ANKRD30A: variants seen among roughly 807,000 people sequenced by gnomAD.
The protein encoded by ANKRD30A is ankyrin repeat domain 30A, also known as ankyrin repeat domain-containing protein 30A.
In ANKRD30A, 170 loss-of-function variants were observed where a neutral mutation model predicts 166.3. That is an observed-to-expected ratio of 1.02 (90% confidence interval 0.90 to 1.16). ANKRD30A has a LOEUF of 1.16. Among genes scored for constraint, ANKRD30A ranks in the 50% most tolerant of loss-of-function variants. ANKRD30A has a pLI of 0.00. For synonymous variants in ANKRD30A, 564 were observed against 508.9 expected, an observed-to-expected ratio of 1.11 and a Z score of -1.46; for missense variants, 1,630 against 1,518.0, an observed-to-expected ratio of 1.07 and a Z score of -1.23.
At chr10:37,218,795 T>C (rs1842730330) in intron 33 of ANKRD30A, among the ~76,000 whole-genome samples, 185 bp from the exon 34 acceptor site, 1 of 150,956 alleles carries the variant, frequency 6.6e-6, no homozygotes, top group Non-Finnish European at 1.5e-5. Flanking sequence ...TTCAAATAAA[T>C]GTTTGAACTT....
At chr10:37,259,133 G>A in the ANKRD30A span, among the ~76,000 whole-genome samples, 1 of 151,960 alleles carries the variant, frequency 6.6e-6, no homozygotes, top group Non-Finnish European at 1.5e-5. Context: ...AGAAAGTCAT[G>A]ATTAAGAGAA....
At chr10:37,218,766 C>A (rs1842728587) in intron 33 of ANKRD30A, among the ~76,000 whole-genome samples, 1 of 150,450 alleles carries the variant, frequency 6.6e-6, no homozygotes, top group Non-Finnish European at 1.5e-5. Context: ...TTCTTTTGTA[C>A]TTTCATGAAT....
intron 34 of ANKRD30A, among the ~76,000 whole-genome samples, chr10:37,224,578 A>G (rs1454625667): frequency 6.6e-6 from 1 of 151,376 alleles, no homozygotes; most frequent in East Asian, 1.9e-4. Flanking sequence ...TTTGCCACTC[A>G]GATTAAAAAT....
the ANKRD30A span, among the ~76,000 whole-genome samples, chr10:37,257,470 A>T: frequency 6.6e-6 from 1 of 151,738 alleles, no homozygotes; most frequent in African/African-American, 2.4e-5. Flanking sequence ...TTGCTTCTCT[A>T]GTTCTTTTAA....
intron 34 of ANKRD30A, among the ~76,000 whole-genome samples, chr10:37,222,663 C>T (rs1184302133): frequency 6.6e-6 from 1 of 151,322 alleles, no homozygotes; most frequent in Non-Finnish European, 1.5e-5. Context: ...CTGCCTTCCT[C>T]ATGCTGTTCC....
Position 37,214,228 on chromosome 10 carries a change from C to T in ANKRD30A, c.2870-1953C>T, listed in dbSNP as rs184689804. Among the ~76,000 whole-genome samples the T allele has an allele frequency of 7.4e-4, 113 of 151,750 alleles. 1 individual carries two copies. The highest frequency in any genetic ancestry group is 2.5e-3 in the South Asian group (12 of 4,814). On this transcript the variant is annotated intron_variant, in intron 31 of 35. Transcript: ENST00000361713. The stretch of plus-strand genomic sequence containing the variant: ...TGGTATTAATACAACCACCCTTCCT[C>T]AGCCTTCTTTTGTCAAGTGTTAGTG...
chr10:37,231,937 T>C (rs1843429259), intron 35 of ANKRD30A, among the ~76,000 whole-genome samples: 1 of 152,072 alleles, frequency 6.6e-6, no homozygotes. Context: ...AAAAACTGCA[T>C]TTAAGTTACA....
the ANKRD30A span, chr10:37,241,413 A>G: frequency 1.3e-5 from 2 of 151,798 alleles, no homozygotes; most frequent in African/African-American, 4.8e-5. Context: ...TAATATTTTT[A>G]TATCATATAT....
intron 31 of ANKRD30A, among the ~76,000 whole-genome samples, chr10:37,208,986 C>A (rs1295513720): frequency 6.6e-6 from 1 of 152,030 alleles, no homozygotes; most frequent in African/African-American, 2.4e-5. Flanking sequence ...GCATTTAAGT[C>A]TTTTCATGTC....
intron 15 of ANKRD30A, among the ~76,000 whole-genome samples, chr10:37,159,659 T>G (rs906626157): frequency 6.6e-6 from 1 of 152,164 alleles, no homozygotes; most frequent in Non-Finnish European, 1.5e-5. Context: ...TTTCATGTCT[T>G]AAATTTTCTT....
chr10:37,196,875 C>T (rs1044158955), intron 27 of ANKRD30A, among the ~76,000 whole-genome samples: 4 of 152,164 alleles, frequency 2.6e-5, no homozygotes, highest in Non-Finnish European at 5.9e-5. Flanking sequence ...GTACATTCAG[C>T]TGAACTCTCA....
rs1836525747 is a variant in ANKRD30A at position 37,133,977 on chromosome 10, C to A, written c.679C>A (p.Gln227Lys). ...AGAGATAGTTGGCATGCTTCTTCAG[C>A]AAAATGTTGACGTCTTTGCTGCAGA... is the stretch of plus-strand genomic sequence containing the variant. ...SSEIVGMLLQ[Q>K]NVDVFAADIC... The change falls in exon 5 of 36, where the codon CAA (glutamine) becomes AAA (lysine). Residue 227 changes from glutamine (Q) to lysine (K), a missense_variant. By Grantham distance (53) the Gln-to-Lys change is moderately conservative. Coordinates refer to ENST00000361713, the MANE Select transcript of ANKRD30A (RefSeq NM_052997.3). The A allele has an allele frequency of 1.2e-6, 2 of 1,614,082 alleles. No individual in the cohort carries two copies. Among genetic ancestry groups the A allele is most frequent in the Non-Finnish European group, 1.7e-6 (2 of 1,179,980 alleles).
chr10:37,149,926 C>T (rs1248958918), intron 11 of ANKRD30A, 77 bp downstream of exon 11: 3 of 1,568,534 alleles, frequency 1.9e-6, no homozygotes, highest in Middle Eastern at 2.2e-4. Flanking sequence ...ATCCCCAATG[C>T]TTTATTTTTT....
chr10:37,159,402 C>G (rs1838654319), intron 15 of ANKRD30A, among the ~76,000 whole-genome samples: 1 of 152,154 alleles, frequency 6.6e-6, no homozygotes, highest in Non-Finnish European at 1.5e-5. Flanking sequence ...CCTGTCATCT[C>G]AGCTACTCTG....
At chr10:37,215,405 G>T (rs1842552404) in intron 31 of ANKRD30A, among the ~76,000 whole-genome samples, 1 of 151,366 alleles carries the variant, frequency 6.6e-6, no homozygotes, top group Non-Finnish European at 1.5e-5. Context: ...AGTAGGAGGG[G>T]TTTCCAGGGG....
intron 31 of ANKRD30A, among the ~76,000 whole-genome samples, chr10:37,213,364 G>A (rs1226749136): frequency 1.3e-5 from 2 of 151,654 alleles, no homozygotes; most frequent in South Asian, 2.1e-4. Flanking sequence ...TTCTATCAGG[G>A]CATTAATCCA....
chr10:37,153,228 G>A (rs1016560816), intron 12 of ANKRD30A, among the ~76,000 whole-genome samples: 3 of 152,158 alleles, frequency 2.0e-5, no homozygotes, highest in African/African-American at 7.2e-5. Context: ...TGTTTGAAAT[G>A]TCTTATTTAT....
In ANKRD30A at chr10:37,130,015, GT is replaced by G; in HGVS notation, c.336+9del. On this transcript the variant is annotated intron_variant, in intron 2 of 35. Coordinates refer to ENST00000361713, the MANE Select transcript of ANKRD30A (RefSeq NM_052997.3). Reference sequence around the variant, plus strand: ...AGGACACCTCTGATGAAGGTAAATAGTAGCCAGATTTTTCAGCAGGAGATGG... The same window carrying G: ...AGGACACCTCTGATGAAGGTAAATAGAGCCAGATTTTTCAGCAGGAGATGG... 6.8e-7 allele frequency: 1 copy of G among 1,480,948 alleles called. No homozygotes were observed. Among genetic ancestry groups the G allele is most frequent in the Admixed American group, 2.1e-5 (1 of 46,814 alleles). 91.7% of individuals were successfully genotyped at this position (1,480,948 alleles called of 1,614,324 possible). A position where few individuals can be genotyped will look rare whatever the true frequency, so the allele number is the denominator to read the frequency against.
At chr10:37,190,386 A>T (rs1840445118) in intron 25 of ANKRD30A, among the ~76,000 whole-genome samples, 2 of 151,968 alleles carry the variant, frequency 1.3e-5, no homozygotes, top group South Asian at 4.2e-4. Context: ...AGAAAAGGTC[A>T]GGAGAAAGCA....
Sources: allele counts gnomAD v4.1 joint callset (sites outside exome capture counted in the v4.1 genomes callset), GRCh38; gene constraint gnomAD v4.1.1; transcripts MANE v1.5; gene names NCBI Gene and HGNC (gene_info 2026-07-23, HGNC 2026-07-21).